The following HSD17B12 variants were observed in gnomAD, a reference collection of about 807,000 sequenced individuals.
HSD17B12 encodes hydroxysteroid 17-beta dehydrogenase 12.
Under a neutral mutation model 39.3 loss-of-function variants are expected in HSD17B12, and 32 were observed. The ratio of observed to expected loss-of-function variants is 0.81; its 90% CI spans 0.61 to 1.09. The LOEUF is 1.09. Ranked by LOEUF, HSD17B12 falls within the 50% of genes least tolerant of loss-of-function variation. The pLI, the probability that HSD17B12 is intolerant of heterozygous loss-of-function variation, is 0.00. For synonymous variants in HSD17B12, 150 were observed against 146.7 expected, an observed-to-expected ratio of 1.02 and a Z score of -0.16; for missense variants, 342 against 382.9, an observed-to-expected ratio of 0.89 and a Z score of 0.89.
chr11:43,854,521 G>A (rs941544323), intron 9 of HSD17B12, 194 bp from the exon 10 acceptor site: 1 of 546,630 alleles, frequency 1.8e-6, no homozygotes, highest in African/African-American at 1.9e-5. Flanking sequence ...TTGAGAGATT[G>A]ATTTGTTACA....
At chr11:43,803,460 TAA>T (rs1465952985) in intron 4 of HSD17B12, among the ~76,000 whole-genome samples, 1 of 152,210 alleles carries the variant, frequency 6.6e-6, no homozygotes, top group Non-Finnish European at 1.5e-5. Flanking sequence ...GAATCCATAT[TAA>T]GTCATAGGAA....
chr11:43,738,056 CAAAAAA>C (rs759642092), intron 1 of HSD17B12, among the ~76,000 whole-genome samples: 2 of 94,888 alleles, frequency 2.1e-5, no homozygotes. Context: ...GACTCTGTCC[CAAAAAA>C]AAAAAAAAAA....
chr11:43,768,750 A>G (rs1950621334), intron 3 of HSD17B12, among the ~76,000 whole-genome samples: 1 of 152,208 alleles, frequency 6.6e-6, no homozygotes, highest in East Asian at 1.9e-4. Context: ...CACAGCACAG[A>G]AGGAGACCAG....
chr11:43,672,613 T>C, the HSD17B12 span, among the ~76,000 whole-genome samples: 4 of 152,130 alleles, frequency 2.6e-5, no homozygotes, highest in Non-Finnish European at 5.9e-5. Context: ...AGTGGTGCGA[T>C]CTTGGCTCAC....
At chr11:43,733,727 A>AG in intron 1 of HSD17B12, 1 of 581,396 alleles carries the variant, frequency 1.7e-6, no homozygotes, top group East Asian at 4.3e-5. Flanking sequence ...TCAGAGTGGA[A>AG]GAAGGTGTGA....
At chr11:43,734,440 C>A (rs747075560) in intron 1 of HSD17B12, 10 of 735,902 alleles carry the variant, frequency 1.4e-5, no homozygotes, top group African/African-American at 1.0e-4. Context: ...CACTGGCCAC[C>A]GCAGGGGACA....
At chr11:43,644,740 G>A in the HSD17B12 span, 2 of 152,760 alleles carry the variant, frequency 1.3e-5, no homozygotes, top group Non-Finnish European at 2.9e-5. Flanking sequence ...TGTCTGTCTG[G>A]TGTGGGGTGT....
chr11:43,839,147 A>C (rs901175877), intron 8 of HSD17B12, among the ~76,000 whole-genome samples: 9 of 152,146 alleles, frequency 5.9e-5, no homozygotes, highest in African/African-American at 2.2e-4. Context: ...ATAAACAAAA[A>C]TATGTACAGT....
chr11:43,783,698 G>T (rs1449333615), intron 3 of HSD17B12, among the ~76,000 whole-genome samples: 1 of 151,970 alleles, frequency 6.6e-6, no homozygotes, highest in East Asian at 1.9e-4. Context: ...GTGTTAGTTT[G>T]CTGAGAATGA....
At position 43,814,826 on chromosome 11, in the gene HSD17B12, C is replaced by CT. The variant is rs199838548; in HGVS notation, c.392-608dup. On this transcript the variant is annotated intron_variant, in intron 4 of 10. Transcript: ENST00000278353. ...TCTGTCATGAAATAATTGTTTGTTT[C>CT]TTTCTTTTCCTACTAGATTGTATGC... 1.1e-4 allele frequency among the ~76,000 whole-genome samples: 16 copies of CT among 152,228 alleles called. No homozygotes were observed. The East Asian group carries it at 3.1e-3, about 29-fold the overall frequency.
chr11:43,667,945 T>TA, the HSD17B12 span, among the ~76,000 whole-genome samples: 3 of 152,120 alleles, frequency 2.0e-5, no homozygotes, highest in Non-Finnish European at 2.9e-5. Flanking sequence ...CCAGTATGTG[T>TA]AAAAAAACCC....
chr11:43,651,014 C>T, the HSD17B12 span, among the ~76,000 whole-genome samples: 5 of 152,112 alleles, frequency 3.3e-5, no homozygotes, highest in Non-Finnish European at 5.9e-5. Context: ...TGGAATGTAT[C>T]CCATAAGGGG....
At chr11:43,706,780 T>C (rs11037575) in intron 1 of HSD17B12, among the ~76,000 whole-genome samples, 55,831 of 150,924 alleles carry the variant, frequency 0.37, 11,714 homozygotes, top group East Asian at 0.72. Context: ...GAAATACTCA[T>C]TGGGTCTTGG....
chr11:43,670,637 T>C, the HSD17B12 span, among the ~76,000 whole-genome samples: 4 of 152,210 alleles, frequency 2.6e-5, no homozygotes, highest in Non-Finnish European at 5.9e-5. Flanking sequence ...ATGCCTGTAA[T>C]CCCAGCACTT....
chr11:43,625,537 A>G, the HSD17B12 span, among the ~76,000 whole-genome samples: 1 of 151,480 alleles, frequency 6.6e-6, no homozygotes, highest in Non-Finnish European at 1.5e-5. Flanking sequence ...AACATTTTTA[A>G]AGAATCATAT....
At chr11:43,690,419 T>A (rs1949851678) in intron 1 of HSD17B12, among the ~76,000 whole-genome samples, 1 of 112,844 alleles carries the variant, frequency 8.9e-6, no homozygotes, top group African/African-American at 3.4e-5. Flanking sequence ...TTTTTTTTTT[T>A]TTCTGAGACA....
chr11:43,643,653 T>A, the HSD17B12 span, among the ~76,000 whole-genome samples: 1 of 152,218 alleles, frequency 6.6e-6, no homozygotes, highest in Non-Finnish European at 1.5e-5. Flanking sequence ...TATTTAATAT[T>A]TCTTATTAGG....
At chr11:43,608,827 T>A in the HSD17B12 span, among the ~76,000 whole-genome samples, 4 of 152,194 alleles carry the variant, frequency 2.6e-5, no homozygotes, top group African/African-American at 9.7e-5. Context: ...GTAGTGAAGC[T>A]CTTCGAAGGC....
At chr11:43,582,298 A>G in the HSD17B12 span, among the ~76,000 whole-genome samples, 2 of 152,208 alleles carry the variant, frequency 1.3e-5, no homozygotes, top group Non-Finnish European at 1.5e-5. Flanking sequence ...CAGCAGCCCC[A>G]TCCCGGCCTC....
Sources: allele counts gnomAD v4.1 joint callset (sites outside exome capture counted in the v4.1 genomes callset), GRCh38; gene constraint gnomAD v4.1.1; transcripts MANE v1.5; gene names NCBI Gene and HGNC (gene_info 2026-07-23, HGNC 2026-07-21).